SHANK2: variants seen among roughly 807,000 people sequenced by gnomAD.
SHANK2 encodes the protein SH3 and multiple ankyrin repeat domains 2.
SHANK2 carries 43 observed loss-of-function variants against 133.7 expected under a neutral mutation model. The observed-to-expected ratio is 0.32, with a 90% confidence interval of 0.25 to 0.41. The LOEUF (loss-of-function observed/expected upper bound fraction) is 0.41, where lower values mean the gene tolerates loss of function less well. Among genes scored for constraint, SHANK2 ranks in the 10% least tolerant of loss-of-function variants. The pLI, the probability that SHANK2 is intolerant of heterozygous loss-of-function variation, is 1.00. For synonymous variants in SHANK2, 1,017 were observed against 952.8 expected (o/e 1.07, Z -1.24); for missense variants, 1,994 against 2,235.8 (o/e 0.89, Z 2.18).
chr11:70,472,721 A>G lies in SHANK2; in HGVS notation c.*148T>C, dbSNP rs1051559877. On this transcript the variant is annotated 3_prime_UTR_variant, in exon 26 of 26. Transcript: ENST00000601538. The surrounding 1 kb of genome is among the most constrained non-coding windows in gnomAD (Gnocchi z 4.4). ...GTCTGAAGACCCAGCCATGTTGTGG[A>G]CACAACTCAGTATTTCTTTGGGTAC... 1.1e-5 allele frequency: 9 copies of G among 815,102 alleles called. No individual in the cohort carries two copies. In the East Asian group the frequency reaches 2.2e-4, roughly 20 times the overall value. The allele number at this position is 815,102 out of a possible 1,614,324, so 50.5% of individuals were successfully genotyped here. A position where few individuals can be genotyped will look rare whatever the true frequency, so the allele number is the denominator to read the frequency against.
At chr11:71,147,577 C>T (rs376424426) in intron 2 of SHANK2, among the ~76,000 whole-genome samples, 10 of 152,262 alleles carry the variant, frequency 6.6e-5, no homozygotes, top group Admixed American at 1.3e-4. Flanking sequence ...CAGCCAGGAC[C>T]CAGGAAAACC....
chr11:70,645,277 C>T (rs782379860), intron 17 of SHANK2, among the ~76,000 whole-genome samples: 6 of 152,112 alleles, frequency 3.9e-5, no homozygotes, highest in Non-Finnish European at 7.3e-5. Flanking sequence ...AAGGTACACA[C>T]AAGCTTCATC....
chr11:70,949,967 C>T (rs782200784), intron 10 of SHANK2: 13 of 429,560 alleles, frequency 3.0e-5, no homozygotes, highest in East Asian at 7.1e-5. Flanking sequence ...ATCAAGGAGC[C>T]GGTAGGTGCG....
At chr11:70,886,257 C>T (rs1482289274) in intron 11 of SHANK2, among the ~76,000 whole-genome samples, 4 of 152,182 alleles carry the variant, frequency 2.6e-5, no homozygotes, top group African/African-American at 9.6e-5. Context: ...GTTTTCTGTC[C>T]TTCCTCTCCG....
chr11:71,195,427 C>T (rs1953884579), intron 2 of SHANK2, among the ~76,000 whole-genome samples: 1 of 151,134 alleles, frequency 6.6e-6, no homozygotes, highest in Non-Finnish European at 1.5e-5. Context: ...TTAATCTTGT[C>T]ATCACAGCCA....
intron 17 of SHANK2, among the ~76,000 whole-genome samples, chr11:70,529,179 A>G (rs1290566140): frequency 2.6e-5 from 4 of 152,108 alleles, no homozygotes; most frequent in African/African-American, 4.8e-5. Flanking sequence ...CCAGCTCAGG[A>G]CCCATGTCAT....
chr11:71,083,386 G>C (rs1186091932), intron 8 of SHANK2, among the ~76,000 whole-genome samples: 1 of 152,180 alleles, frequency 6.6e-6, no homozygotes, highest in Non-Finnish European at 1.5e-5. Context: ...GGGCACTGCA[G>C]AAAATGCCTC....
chr11:70,640,926 G>C (rs535660499), intron 17 of SHANK2, among the ~76,000 whole-genome samples: 12 of 152,240 alleles, frequency 7.9e-5, no homozygotes, highest in African/African-American at 2.2e-4. Context: ...TGGGGACTTA[G>C]AGGGATGCAA....
chr11:71,103,854 C>G (rs1423084048), intron 6 of SHANK2, among the ~76,000 whole-genome samples: 2 of 121,650 alleles, frequency 1.6e-5, no homozygotes, highest in Non-Finnish European at 3.4e-5. Flanking sequence ...CCCTCCCCCC[C>G]TCCCCTTCTC....
At chr11:70,900,701 C>A (rs1478081125) in intron 10 of SHANK2, among the ~76,000 whole-genome samples, 1 of 152,224 alleles carries the variant, frequency 6.6e-6, no homozygotes, top group Non-Finnish European at 1.5e-5. Flanking sequence ...CTGACTGTTT[C>A]TCCCCTTGAT....
At chr11:70,718,348 G>T (rs1219865982) in intron 14 of SHANK2, among the ~76,000 whole-genome samples, 1 of 152,254 alleles carries the variant, frequency 6.6e-6, no homozygotes, top group East Asian at 1.9e-4. Context: ...GACGCCCTGA[G>T]CCTACGCTGG....
intron 14 of SHANK2, among the ~76,000 whole-genome samples, chr11:70,735,573 G>A (rs1192837942): frequency 3.3e-5 from 5 of 152,048 alleles, no homozygotes; most frequent in East Asian, 1.9e-4. Context: ...GCGTGGTGGC[G>A]GGCGCCTGTA....
chr11:70,713,511 C>T (rs1333189129), intron 14 of SHANK2, among the ~76,000 whole-genome samples: 2 of 152,194 alleles, frequency 1.3e-5, no homozygotes, highest in African/African-American at 2.4e-5. Flanking sequence ...TGTACGGAGC[C>T]GAGGGGGAGG....
At chr11:70,493,385 A>G (rs2058925003) in intron 21 of SHANK2, among the ~76,000 whole-genome samples, 1 of 151,086 alleles carries the variant, frequency 6.6e-6, no homozygotes, top group Admixed American at 6.6e-5. Context: ...AAAAAAAAAA[A>G]AAAAAAGAAA....
At chr11:71,074,881 G>A (rs1388385505) in intron 9 of SHANK2, among the ~76,000 whole-genome samples, 1 of 147,014 alleles carries the variant, frequency 6.8e-6, no homozygotes, top group Non-Finnish European at 1.5e-5. Flanking sequence ...CTGGGTTCAC[G>A]CCATTCTCCT....
chr11:71,198,739 A>C (rs1555116611), intron 2 of SHANK2, among the ~76,000 whole-genome samples: 2 of 152,210 alleles, frequency 1.3e-5, no homozygotes. Context: ...AAAATCCAGA[A>C]GACAGCAGTG....
intron 17 of SHANK2, among the ~76,000 whole-genome samples, chr11:70,636,031 C>T (rs13377453): frequency 0.011 from 1,744 of 152,378 alleles, 33 homozygotes; most frequent in African/African-American, 0.04. Context: ...CTCACCACCC[C>T]GGTGCCCGGC....
In SHANK2 at chr11:70,882,949, C is replaced by A. The variant is rs541937542; in HGVS notation, c.1174+13552G>T. 5.9e-5 allele frequency among the ~76,000 whole-genome samples: 9 copies of A among 152,074 alleles called. No individual in the cohort carries two copies. In the East Asian group the frequency reaches 1.7e-3, roughly 29 times the overall value. On this transcript the variant is annotated intron_variant, in intron 11 of 25. Transcript: ENST00000601538. This position sits in a 1 kb window ranked among gnomAD's most constrained non-coding sequence, Gnocchi z 4.2. ...GTGGAGGTGAGGGCGGGCTTGCCTG[C>A]GGCCTGTGGGAGGGGAGGGCAGGAG...
At chr11:70,943,320 G>A (rs1360200425) in intron 10 of SHANK2, among the ~76,000 whole-genome samples, 2 of 152,280 alleles carry the variant, frequency 1.3e-5, no homozygotes, top group South Asian at 2.1e-4. Context: ...GCCGTGCTAG[G>A]GAGGGCACCT....
Sources: gnomAD v4.1 joint callset for allele counts (sites outside exome capture counted in the v4.1 genomes callset) on GRCh38, gnomAD v4.1.1 for gene constraint, Gnocchi (gnomAD v3.1) non-coding constraint, MANE v1.5 for transcripts, NCBI Gene and HGNC (gene_info 2026-07-23, HGNC 2026-07-21) for gene names.